Variants in CEP63 observed in about 807,000 individuals in gnomAD.
The protein encoded by CEP63 is centrosomal protein of 63 kDa.
CEP63 carries 84 observed loss-of-function variants against 89.1 expected under a neutral mutation model. The ratio of observed to expected loss-of-function variants is 0.94; its 90% CI spans 0.79 to 1.13. CEP63 has a LOEUF of 1.13. CEP63 is among the 50% of genes most tolerant of loss of function. CEP63 has a pLI of 0.00. For synonymous variants in CEP63, 267 were observed against 272.5 expected (o/e 0.98, Z 0.20); for missense variants, 838 against 813.3 (o/e 1.03, Z -0.37).
At chr3:134,770,576 C>A in the CEP63 span, among the ~76,000 whole-genome samples, 2 of 152,098 alleles carry the variant, frequency 1.3e-5, no homozygotes, top group Admixed American at 6.5e-5. Context: ...CTTGTTTCTC[C>A]TTGTGATTTT....
chr3:134,603,716 G>C, the CEP63 span: 1 of 1,613,668 alleles, frequency 6.2e-7, no homozygotes, highest in Non-Finnish European at 8.5e-7. Context: ...TTCAGGGTCA[G>C]GGGCCATGTG....
intron 6 of CEP63, among the ~76,000 whole-genome samples, chr3:134,540,249 G>A (rs970012853): frequency 6.6e-6 from 1 of 152,132 alleles, no homozygotes; most frequent in Non-Finnish European, 1.5e-5. Context: ...AATATGACAT[G>A]TCAACAGATT....
the CEP63 span, among the ~76,000 whole-genome samples, chr3:134,698,900 C>T: frequency 1.3e-5 from 2 of 152,324 alleles, no homozygotes; most frequent in South Asian, 2.1e-4. Flanking sequence ...GGGCACATCA[C>T]CAGCTAGCTC....
the CEP63 span, among the ~76,000 whole-genome samples, chr3:134,749,113 TGGCAGTGGGACTCGCTGAA>T: frequency 6.6e-6 from 1 of 152,222 alleles, no homozygotes; most frequent in African/African-American, 2.4e-5. Flanking sequence ...AATCTGGGCC[TGGCAGTGGGACTCGCTGAA>T]GACTTTTCAC....
chr3:134,551,689 C>T (rs1054461540), intron 11 of CEP63, among the ~76,000 whole-genome samples: 1 of 149,324 alleles, frequency 6.7e-6, no homozygotes, highest in African/African-American at 2.5e-5. Flanking sequence ...TGTTCATTCA[C>T]CTTAATAACA....
chr3:134,769,136 G>C, the CEP63 span, among the ~76,000 whole-genome samples: 3 of 152,122 alleles, frequency 2.0e-5, no homozygotes, highest in Non-Finnish European at 4.4e-5. Flanking sequence ...GCTCCAAATA[G>C]GCAAGAGAAC....
chr3:134,563,443 GAC>G lies in CEP63; in HGVS notation c.*1910_*1911del, dbSNP rs1341135827. 6.6e-6 allele frequency: 1 copy of G among 151,234 alleles called. No homozygotes were observed. The highest frequency in any genetic ancestry group is 6.6e-5 in the Admixed American group (1 of 15,190). The allele number at this position is 151,234 out of a possible 1,614,324, so 9.4% of individuals were successfully genotyped here. A position where few individuals can be genotyped will look rare whatever the true frequency, so the allele number is the denominator to read the frequency against. ...AGGCTTCTCTTTTTTTTTTTATTGAGACAGAGTCTCACTCTGTCGCCCAAGCT... is the reference window on the plus strand; with the variant it reads ...AGGCTTCTCTTTTTTTTTTTATTGAGAGAGTCTCACTCTGTCGCCCAAGCT... On this transcript the variant is annotated 3_prime_UTR_variant, in exon 15 of 15. Transcript: ENST00000675561.
In CEP63 at chr3:134,546,300, C is replaced by G; in HGVS notation, c.929+12C>G. On this transcript the variant is annotated intron_variant, in intron 8 of 14. Transcript: ENST00000675561. ...GTAGAAGCTATAAGGTAAATTTAATCTTAAATATTATTCATCTTAGCCACT... is the reference window on the plus strand; with the variant it reads ...GTAGAAGCTATAAGGTAAATTTAATGTTAAATATTATTCATCTTAGCCACT... 1.2e-6 allele frequency: 2 copies of G among 1,609,948 alleles called. No homozygotes were observed. The highest frequency in any genetic ancestry group is 1.7e-6 in the Non-Finnish European group (2 of 1,176,614).
At chr3:134,751,591 C>T in the CEP63 span, among the ~76,000 whole-genome samples, 1 of 152,092 alleles carries the variant, frequency 6.6e-6, no homozygotes, top group South Asian at 2.1e-4. Flanking sequence ...GTTGGGAGCA[C>T]TCATAGATGG....
chr3:134,679,425 G>A, the CEP63 span, among the ~76,000 whole-genome samples: 1 of 152,188 alleles, frequency 6.6e-6, no homozygotes, highest in Admixed American at 6.5e-5. Flanking sequence ...CATCATGCAG[G>A]CAGTGGGTGG....
At chr3:134,609,196 GTGCT>G in the CEP63 span, among the ~76,000 whole-genome samples, 2 of 152,200 alleles carry the variant, frequency 1.3e-5, no homozygotes, top group African/African-American at 4.8e-5. Flanking sequence ...GGGAGACAGA[GTGCT>G]TGAATTCACT....
intron 1 of CEP63, among the ~76,000 whole-genome samples, chr3:134,491,391 G>A (rs540210884): frequency 3.0e-4 from 46 of 152,034 alleles, no homozygotes; most frequent in African/African-American, 1.9e-4. Flanking sequence ...TATACCTCTC[G>A]CCCATGTTTC....
the CEP63 span, among the ~76,000 whole-genome samples, chr3:134,698,887 G>T: frequency 6.6e-6 from 1 of 152,222 alleles, no homozygotes; most frequent in Non-Finnish European, 1.5e-5. Flanking sequence ...TTCTGAGCTG[G>T]ATGGGCACAT....
At chr3:134,668,368 C>T in the CEP63 span, among the ~76,000 whole-genome samples, 1 of 152,138 alleles carries the variant, frequency 6.6e-6, no homozygotes, top group Non-Finnish European at 1.5e-5. Flanking sequence ...AGCCATGAAG[C>T]CTATGGTCAT....
At chr3:134,667,149 T>A in the CEP63 span, among the ~76,000 whole-genome samples, 2 of 152,176 alleles carry the variant, frequency 1.3e-5, no homozygotes, top group African/African-American at 4.8e-5. Flanking sequence ...CTTCCCAGAT[T>A]CAACCTTCAT....
At chr3:134,695,993 G>C in the CEP63 span, among the ~76,000 whole-genome samples, 3 of 152,250 alleles carry the variant, frequency 2.0e-5, no homozygotes, top group Admixed American at 6.5e-5. Context: ...GAGTGCCCCC[G>C]GGCTTTTCAC....
intron 5 of CEP63, chr3:134,535,653 A>G (rs1018133736): frequency 2.0e-5 from 3 of 152,024 alleles, no homozygotes; most frequent in Non-Finnish European, 4.4e-5. Context: ...CCTGTTTCCT[A>G]TCTCCACTAT....
chr3:134,588,538 T>G (rs982598075), downstream of CEP63, among the ~76,000 whole-genome samples: 4 of 152,182 alleles, frequency 2.6e-5, no homozygotes, highest in African/African-American at 9.7e-5. Context: ...AACTGAATGA[T>G]CATGAAATGA....
At chr3:134,701,201 T>C in the CEP63 span, among the ~76,000 whole-genome samples, 127 of 8,892 alleles carry the variant, frequency 0.014, 1 homozygote, top group Admixed American at 0.077. Context: ...TACACACACA[T>C]ATATACGTAT....
Sources: gnomAD v4.1 joint callset for allele counts (sites outside exome capture counted in the v4.1 genomes callset) on GRCh38, gnomAD v4.1.1 for gene constraint, MANE v1.5 for transcripts, NCBI Gene and HGNC (gene_info 2026-07-23, HGNC 2026-07-21) for gene names.